Variants in ZNF124 observed in about 807,000 individuals in gnomAD.
The protein encoded by ZNF124 is zinc finger protein HZF-16.
A neutral mutation model predicts 26.6 loss-of-function variants in ZNF124; 25 were observed. That is an observed-to-expected ratio of 0.94 (90% CI 0.68 to 1.31). The LOEUF (loss-of-function observed/expected upper bound fraction) is 1.31. Among genes scored for constraint, ZNF124 ranks in the 40% most tolerant of loss-of-function variants. ZNF124 has a pLI of 0.00. For missense variants in ZNF124, 444 were observed against 422.2 expected (o/e 1.05, Z -0.45); for synonymous variants, 129 against 133.3 (o/e 0.97, Z 0.22).
chr1:247,149,634 T>G (rs991096159), intron 3 of ZNF124, among the ~76,000 whole-genome samples: 1 of 152,174 alleles, frequency 6.6e-6, no homozygotes, highest in African/African-American at 2.4e-5. Flanking sequence ...TTAAAAACAT[T>G]GAACTCGTAG....
downstream of ZNF124, among the ~76,000 whole-genome samples, chr1:247,154,430 G>C (rs989263431): frequency 3.9e-5 from 6 of 152,126 alleles, no homozygotes; most frequent in African/African-American, 1.4e-4. Flanking sequence ...GCTGAACTGG[G>C]AGTCAATTAA....
At chr1:247,142,569 G>A (rs1672655218) in intron 3 of ZNF124, among the ~76,000 whole-genome samples, 1 of 152,144 alleles carries the variant, frequency 6.6e-6, no homozygotes, top group Non-Finnish European at 1.5e-5. Flanking sequence ...ACTCTCCCAG[G>A]CCGAGTCCTC....
chr1:247,139,824 G>T (rs1380300130), intron 3 of ZNF124, among the ~76,000 whole-genome samples: 1 of 152,188 alleles, frequency 6.6e-6, no homozygotes, highest in Admixed American at 6.5e-5. Flanking sequence ...TATAGGCCCT[G>T]AGTCTTTTCT....
At chr1:247,162,128 G>A (rs1353644246) in intron 1 of ZNF124, among the ~76,000 whole-genome samples, 4 of 152,078 alleles carry the variant, frequency 2.6e-5, no homozygotes, top group Non-Finnish European at 4.4e-5. Context: ...TGCTAAATAT[G>A]GAAAGATCAT....
exon 4 of ZNF124, chr1:247,123,785 A>G (rs1672138140): frequency 1.4e-6 from 1 of 694,490 alleles, no homozygotes. Context: ...TGGAGTCACG[A>G]AGTTAATCCT....
At chr1:247,169,073 CCA>C (rs1452327562) in intron 1 of ZNF124, among the ~76,000 whole-genome samples, 1 of 151,922 alleles carries the variant, frequency 6.6e-6, no homozygotes, top group Non-Finnish European at 1.5e-5. Context: ...TTTAAAATAT[CCA>C]CTTCTTTCTT....
downstream of ZNF124, among the ~76,000 whole-genome samples, chr1:247,152,983 A>G (rs1672987641): frequency 6.6e-6 from 1 of 152,134 alleles, no homozygotes; most frequent in Non-Finnish European, 1.5e-5. Flanking sequence ...AATACAAAAA[A>G]TTAGCTGGGT....
At chr1:247,133,062 C>T (rs953534917) in intron 3 of ZNF124, among the ~76,000 whole-genome samples, 18 of 152,050 alleles carry the variant, frequency 1.2e-4, no homozygotes, top group Admixed American at 1.0e-3. Flanking sequence ...ACACAAATGA[C>T]CTGGTGGACC....
chr1:247,141,856 T>C (rs1009432555), intron 3 of ZNF124, among the ~76,000 whole-genome samples: 4 of 152,194 alleles, frequency 2.6e-5, no homozygotes, highest in Non-Finnish European at 4.4e-5. Context: ...CTATGGTAAG[T>C]CTGAGGCCAT....
At chr1:247,136,709 G>A (rs1214224921) in intron 3 of ZNF124, among the ~76,000 whole-genome samples, 1 of 152,126 alleles carries the variant, frequency 6.6e-6, no homozygotes, top group Non-Finnish European at 1.5e-5. Flanking sequence ...CACTTTAGGA[G>A]GCCAAGGCGG....
At chr1:247,170,708 C>A (rs1443768771) in intron 1 of ZNF124, among the ~76,000 whole-genome samples, 1 of 143,134 alleles carries the variant, frequency 7.0e-6, no homozygotes, top group East Asian at 2.0e-4. Flanking sequence ...GTGAGAGGGT[C>A]GTGATCGATT....
At chr1:247,170,820 G>T (rs1193714531) in intron 1 of ZNF124, among the ~76,000 whole-genome samples, 13 of 136,708 alleles carry the variant, frequency 9.5e-5, no homozygotes, top group Admixed American at 5.7e-4. Flanking sequence ...ACAATGTCTG[G>T]AATCTATAGA....
chr1:247,147,638 C>A (rs1262244715), intron 3 of ZNF124, among the ~76,000 whole-genome samples: 1 of 152,178 alleles, frequency 6.6e-6, no homozygotes, highest in African/African-American at 2.4e-5. Flanking sequence ...TTGCAGCTAA[C>A]AGCTCATGCA....
intron 3 of ZNF124, among the ~76,000 whole-genome samples, chr1:247,145,448 G>A (rs1572068882): frequency 6.6e-6 from 1 of 152,122 alleles, no homozygotes; most frequent in Admixed American, 6.5e-5. Context: ...TCAAAAGGTC[G>A]GTGAAGTCAT....
intron 3 of ZNF124, among the ~76,000 whole-genome samples, chr1:247,140,661 G>A (rs1672603761): frequency 1.3e-5 from 2 of 152,050 alleles, no homozygotes; most frequent in Admixed American, 6.6e-5. Context: ...GGATGTCTTC[G>A]CAGAGCCAAG....
chr1:247,160,951 CAGAAT>C (rs1673443557), intron 1 of ZNF124, among the ~76,000 whole-genome samples: 1 of 152,054 alleles, frequency 6.6e-6, no homozygotes, highest in African/African-American at 2.4e-5. Context: ...AATGTCAAAG[CAGAAT>C]AGAATAAGTG....
chr1:247,137,269 G>C (rs888591461), intron 3 of ZNF124, among the ~76,000 whole-genome samples: 11 of 151,300 alleles, frequency 7.3e-5, no homozygotes, highest in African/African-American at 1.2e-4. Flanking sequence ...ATGGAAACTG[G>C]ACTGCTTCCT....
At chr1:247,141,113 A>G (rs1672615911) in intron 3 of ZNF124, among the ~76,000 whole-genome samples, 1 of 151,418 alleles carries the variant, frequency 6.6e-6, no homozygotes, top group Non-Finnish European at 1.5e-5. Flanking sequence ...CCCAGAACGG[A>G]GGGTCTGTGC....
At position 247,168,071 on chromosome 1, in the gene ZNF124, TGTG is replaced by T. The variant is rs372995474; in HGVS notation, c.30+3774_30+3776del. Among the ~76,000 whole-genome samples, 1 of 152,314 alleles carries T rather than the reference TGTG, an allele frequency of 6.6e-6. No individual in the cohort carries two copies. Among genetic ancestry groups the T allele is most frequent in the African/African-American group, 2.4e-5 (1 of 41,574 alleles). ...ATAGATGCTGGGATGCTGGTGTGGA[TGTG>T]GTGAACAGGGAACACTTCTACACTG... On this transcript the variant is annotated intron_variant, in intron 1 of 3. Coordinates refer to ENST00000543802, the MANE Select transcript of ZNF124 (RefSeq NM_001297568.2). This position sits in a 1 kb window ranked among gnomAD's most constrained non-coding sequence, Gnocchi z 4.0.
Sources: allele counts gnomAD v4.1 joint callset (sites outside exome capture counted in the v4.1 genomes callset), GRCh38; gene constraint gnomAD v4.1.1; non-coding constraint Gnocchi (gnomAD v3.1); transcripts MANE v1.5; gene names NCBI Gene and HGNC (gene_info 2026-07-23, HGNC 2026-07-21).